Variants in STXBP5L observed in about 807,000 individuals in gnomAD.
The protein encoded by STXBP5L is syntaxin-binding protein 5-like.
In STXBP5L, 65 loss-of-function variants were observed where a neutral mutation model predicts 144.5. The observed-to-expected ratio is 0.45, with a 90% CI of 0.37 to 0.55. STXBP5L has a LOEUF of 0.55. Ranked by LOEUF, STXBP5L falls within the 20% of genes least tolerant of loss-of-function variation. STXBP5L has a pLI of 0.00. For missense variants in STXBP5L, 1,298 were observed against 1,405.5 expected, an observed-to-expected ratio of 0.92 and a Z score of 1.22; for synonymous variants, 505 against 469.6, an observed-to-expected ratio of 1.08 and a Z score of -0.97.
chr3:121,276,321 T>G (rs2050885444), intron 18 of STXBP5L, among the ~76,000 whole-genome samples: 1 of 152,006 alleles, frequency 6.6e-6, no homozygotes, highest in Non-Finnish European at 1.5e-5. Flanking sequence ...TGCATTATTG[T>G]CATAAATTTA....
At chr3:120,947,004 T>A (rs1384025022) in intron 2 of STXBP5L, among the ~76,000 whole-genome samples, 2 of 151,720 alleles carry the variant, frequency 1.3e-5, no homozygotes, top group African/African-American at 4.8e-5. Flanking sequence ...TTCTTTCTAT[T>A]ACATATTTAT....
chr3:121,320,952 G>A (rs1056191462), intron 20 of STXBP5L, among the ~76,000 whole-genome samples: 4 of 152,132 alleles, frequency 2.6e-5, no homozygotes, highest in Non-Finnish European at 5.9e-5. Flanking sequence ...GCCCGCCTCG[G>A]CCTCCCAAAG....
At chr3:121,288,311 T>A (rs569489268) in intron 19 of STXBP5L, among the ~76,000 whole-genome samples, 1 of 152,350 alleles carries the variant, frequency 6.6e-6, no homozygotes, top group South Asian at 2.1e-4. Context: ...CGCATGCATG[T>A]GTTTTTATGG....
At chr3:121,343,616 A>C (rs1180647631) in intron 20 of STXBP5L, among the ~76,000 whole-genome samples, 2 of 152,160 alleles carry the variant, frequency 1.3e-5, no homozygotes, top group African/African-American at 4.8e-5. Flanking sequence ...AGACAAACAG[A>C]CAGCCAAATC....
At chr3:120,915,583 T>C (rs1709063575) in intron 2 of STXBP5L, among the ~76,000 whole-genome samples, 1 of 152,140 alleles carries the variant, frequency 6.6e-6, no homozygotes, top group South Asian at 2.1e-4. Context: ...GTGACAGTTA[T>C]TTTCTTTTTT....
rs527841783 is a variant in STXBP5L at position 121,045,379 on chromosome 3, A to G, written c.370-56A>G. 8.5e-5 allele frequency: 127 copies of G among 1,492,774 alleles called. 1 individual carries two copies. In the East Asian group the frequency reaches 2.8e-3, roughly 33 times the overall value. The allele number at this position is 1,492,774 out of a possible 1,614,324, so 92.5% of individuals were successfully genotyped here. On this transcript the variant is annotated intron_variant, in intron 4 of 26. Transcript: ENST00000471454. ...TGAGTAAATTAGCTTGTTTGTGATT[A>G]AAAAAACCCTAAATTAAGTAAATCA...
intron 7 of STXBP5L, among the ~76,000 whole-genome samples, chr3:121,148,376 A>T (rs1296545738): frequency 6.6e-6 from 1 of 152,124 alleles, no homozygotes; most frequent in African/African-American, 2.4e-5. Flanking sequence ...ATAAGGAGAA[A>T]AATATATGGC....
intron 7 of STXBP5L, among the ~76,000 whole-genome samples, chr3:121,145,588 T>C (rs1323225743): frequency 5.9e-5 from 9 of 152,004 alleles, no homozygotes; most frequent in Non-Finnish European, 1.2e-4. Flanking sequence ...GAAAATGATC[T>C]ATTATATAAG....
rs546381894 is a variant in STXBP5L at position 121,035,882 on chromosome 3, G to A, written c.288-5818G>A. Among the ~76,000 whole-genome samples the A allele has an allele frequency of 5.9e-5, 9 of 152,152 alleles. No homozygotes were observed. In the South Asian group the frequency reaches 1.9e-3, roughly 32 times the overall value. The stretch of plus-strand genomic sequence containing the variant: ...GTCTTGAACATCTTCATTTATTTTG[G>A]TCTTTAATTTCTCTTTGTAATATTT... On this transcript the variant is annotated intron_variant, in intron 3 of 26. Transcript: ENST00000471454.
chr3:121,335,439 GA>G (rs1225652125), intron 20 of STXBP5L, among the ~76,000 whole-genome samples: 2 of 151,914 alleles, frequency 1.3e-5, no homozygotes, highest in African/African-American at 4.8e-5. Context: ...CACAGAACTA[GA>G]AAAAAACTAT....
rs972472574 is a variant in STXBP5L, at chr3:121,191,131, A to AC, written c.878-14791dup. Among the ~76,000 whole-genome samples, 146 of 152,236 alleles carry AC rather than the reference A, an allele frequency of 9.6e-4. 1 individual carries two copies. The highest frequency in any genetic ancestry group is 3.1e-3 in the African/African-American group (130 of 41,554). ...GGCAGAGACACTCCTCACTTTCTAG[A>AC]CAGGGTGGCGGCCGGGCAGAGGCTG... On this transcript the variant is annotated intron_variant, in intron 9 of 26. Transcript: ENST00000471454.
chr3:121,313,778 G>A (rs2043663093), intron 19 of STXBP5L, among the ~76,000 whole-genome samples: 1 of 141,190 alleles, frequency 7.1e-6, no homozygotes, highest in South Asian at 2.5e-4. Context: ...CTGCCGGGCG[G>A]AGACGCTCCT....
At position 121,078,650 on chromosome 3, in the gene STXBP5L, AGCTGCAGGTTCTGAGCCCTGCCCC is replaced by A. The variant is rs1234486933; in HGVS notation, c.470+33140_470+33163del. ...GAGTGGGGGAGGCTCAGGCATGGCC[AGCTGCAGGTTCTGAGCCCTGCCCC>A]GCTGCAGGTTCTGAGCCCTGCCCCA... is the stretch of plus-strand genomic sequence containing the variant. On this transcript the variant is annotated intron_variant, in intron 5 of 26. Coordinates refer to ENST00000471454, the MANE Select transcript of STXBP5L (RefSeq NM_001308330.2). Among the ~76,000 whole-genome samples the A allele has an allele frequency of 1.0e-3, 152 of 152,334 alleles. 1 individual carries two copies. The highest frequency in any genetic ancestry group is 3.3e-3 in the African/African-American group (139 of 41,580).
chr3:121,424,513 C>T lies in STXBP5L; in HGVS notation c.*5416C>T, dbSNP rs2047419056. ...AAATAAACTAGATGGTGGTTTTGGACAATTGTACACAGGAACAGAATCTCT... is the reference window on the plus strand; with the variant it reads ...AAATAAACTAGATGGTGGTTTTGGATAATTGTACACAGGAACAGAATCTCT... On this transcript the variant is annotated 3_prime_UTR_variant, in exon 27 of 27. Transcript: ENST00000471454. 1 of 151,538 alleles carries T rather than the reference C, an allele frequency of 6.6e-6. No homozygotes were observed. Among genetic ancestry groups the T allele is most frequent in the African/African-American group, 2.4e-5 (1 of 41,320 alleles). The allele number at this position is 151,538 out of a possible 1,614,324, so 9.4% of individuals were successfully genotyped here. A position where few individuals can be genotyped will look rare whatever the true frequency, so the allele number is the denominator to read the frequency against.
Position 121,348,906 on chromosome 3 carries a change from C to G in STXBP5L, c.2177-29810C>G, listed in dbSNP as rs138460452. ...AATTTTGTTGACCTTTTCAAAAAAC[C>G]AACTCCTGGATTCATTGATTTTTTG... On this transcript the variant is annotated intron_variant, in intron 20 of 26. Coordinates refer to ENST00000471454, the MANE Select transcript of STXBP5L (RefSeq NM_001308330.2). Among the ~76,000 whole-genome samples, 901 of 152,062 alleles carry G rather than the reference C, an allele frequency of 5.9e-3. 8 individuals are homozygous for G. The highest frequency in any genetic ancestry group is 0.02 in the African/African-American group (829 of 41,430).
intron 5 of STXBP5L, among the ~76,000 whole-genome samples, chr3:121,082,058 C>T (rs897028757): frequency 6.6e-6 from 1 of 152,146 alleles, no homozygotes; most frequent in Non-Finnish European, 1.5e-5. Context: ...ACTGATTCTT[C>T]CAACTTTATT....
intron 20 of STXBP5L, among the ~76,000 whole-genome samples, chr3:121,377,906 A>G (rs1018478918): frequency 6.6e-6 from 1 of 152,234 alleles, no homozygotes; most frequent in African/African-American, 2.4e-5. Context: ...AATAGCAAAG[A>G]CTTGGAACCA....
chr3:120,966,990 C>G (rs1177693215), intron 3 of STXBP5L, among the ~76,000 whole-genome samples: 1 of 152,130 alleles, frequency 6.6e-6, no homozygotes, highest in African/African-American at 2.4e-5. Context: ...TTTACCTACT[C>G]AAGCTTCAGC....
At chr3:120,958,188 C>T (rs1172022268) in intron 3 of STXBP5L, among the ~76,000 whole-genome samples, 1 of 152,186 alleles carries the variant, frequency 6.6e-6, no homozygotes, top group South Asian at 2.1e-4. Flanking sequence ...GACACATACA[C>T]CCTCCCAAGA....
Sources: allele counts gnomAD v4.1 joint callset (sites outside exome capture counted in the v4.1 genomes callset), GRCh38; gene constraint gnomAD v4.1.1; transcripts MANE v1.5; gene names NCBI Gene and HGNC (gene_info 2026-07-23, HGNC 2026-07-21).